The following TMEM132B variants were observed in gnomAD, a reference collection of about 807,000 sequenced individuals.
TMEM132B encodes the protein transmembrane protein 132B.
In TMEM132B, 18 loss-of-function variants were observed where a neutral mutation model predicts 90.8. The observed-to-expected ratio is 0.20, with a 90% CI of 0.14 to 0.29. The LOEUF (loss-of-function observed/expected upper bound fraction) is 0.29. Among genes scored for constraint, TMEM132B ranks in the 10% least tolerant of loss-of-function variants. TMEM132B has a pLI of 1.00. For synonymous variants in TMEM132B, 504 were observed against 523.3 expected, an observed-to-expected ratio of 0.96 and a Z score of 0.50; for missense variants, 1,096 against 1,326.8, an observed-to-expected ratio of 0.83 and a Z score of 2.70.
chr12:125,201,702 G>A (rs1389378115), intron 1 of TMEM132B, among the ~76,000 whole-genome samples: 1 of 152,204 alleles, frequency 6.6e-6, no homozygotes, highest in Non-Finnish European at 1.5e-5. Flanking sequence ...ATCTGTGAAT[G>A]GGGAGAAGAG....
In TMEM132B at chr12:125,415,417, G is replaced by C; in HGVS notation, c.960-114G>C. The C allele has an allele frequency of 6.2e-6, 8 of 1,294,552 alleles. No homozygotes were observed. Among genetic ancestry groups the C allele is most frequent in the Non-Finnish European group, 8.4e-6 (8 of 952,498 alleles). 80.2% of individuals were successfully genotyped at this position (1,294,552 alleles called of 1,614,324 possible). On this transcript the variant is annotated intron_variant, in intron 2 of 8. Transcript: ENST00000682704. The surrounding 1 kb of genome is among the most constrained non-coding windows in gnomAD (Gnocchi z 5.3). ...TCTCCCCCACATCTCCCAGAGGAAG[G>C]GGGCGATGTTACAGATGCTTTCCCA...
intron 1 of TMEM132B, among the ~76,000 whole-genome samples, chr12:125,328,564 C>T (rs1461264021): frequency 6.6e-6 from 1 of 152,172 alleles, no homozygotes; most frequent in Non-Finnish European, 1.5e-5. Context: ...TCCAGGCATT[C>T]CTTGGCTTGT....
At chr12:125,578,626 G>A (rs1884986242) in intron 4 of TMEM132B, among the ~76,000 whole-genome samples, 1 of 152,026 alleles carries the variant, frequency 6.6e-6, no homozygotes, top group Admixed American at 6.5e-5. Context: ...TGGAAGATGA[G>A]TCTGTTAGTG....
At chr12:125,190,820 A>G (rs1382637995) in intron 1 of TMEM132B, among the ~76,000 whole-genome samples, 2 of 7,856 alleles carry the variant, frequency 2.5e-4, no homozygotes, top group Admixed American at 3.2e-3. Flanking sequence ...AGGGGTGGTG[A>G]TGGTGATGGG....
chr12:125,409,621 A>AGT lies in TMEM132B; in HGVS notation c.960-5909_960-5908insTG, dbSNP rs1555246841. The stretch of plus-strand genomic sequence containing the variant: ...GGAGGAGTGGAGTGGAGTGGAGTGG[A>AGT]GGAGTGGAGTGGAGTGGAGGAGTGG... On this transcript the variant is annotated intron_variant, in intron 2 of 8. Transcript: ENST00000682704. 2.0e-3 allele frequency among the ~76,000 whole-genome samples: 99 copies of AGT among 48,632 alleles called. 2 individuals are homozygous for AGT. Among genetic ancestry groups the AGT allele is most frequent in the Non-Finnish European group, 3.0e-3 (78 of 26,402 alleles). 31.9% of individuals were successfully genotyped at this position (48,632 alleles called of 152,430 possible).
chr12:125,434,124 G>A (rs1249969923), intron 3 of TMEM132B, among the ~76,000 whole-genome samples: 2 of 152,214 alleles, frequency 1.3e-5, no homozygotes, highest in Non-Finnish European at 2.9e-5. Context: ...GGGAGGGTCT[G>A]TGTTTTCACC....
intron 3 of TMEM132B, among the ~76,000 whole-genome samples, chr12:125,428,329 T>A (rs35432734): frequency 0.13 from 19,260 of 152,148 alleles, 1,267 homozygotes; most frequent in African/African-American, 0.14. Context: ...TGTGTTGGTA[T>A]TTTTTAGAAA....
intron 3 of TMEM132B, among the ~76,000 whole-genome samples, chr12:125,465,719 A>G (rs753173572): frequency 6.6e-6 from 1 of 152,250 alleles, no homozygotes; most frequent in Non-Finnish European, 1.5e-5. Flanking sequence ...TTAATAGGCC[A>G]TCTGGTCAAT....
chr12:125,551,507 A>G (rs888300366), intron 4 of TMEM132B, among the ~76,000 whole-genome samples: 2 of 152,180 alleles, frequency 1.3e-5, no homozygotes, highest in Non-Finnish European at 2.9e-5. Context: ...GACAGTCATA[A>G]AGAAGAATGA....
At chr12:125,592,600 A>G (rs1395542836) in intron 5 of TMEM132B, among the ~76,000 whole-genome samples, 1 of 152,166 alleles carries the variant, frequency 6.6e-6, no homozygotes, top group Admixed American at 6.5e-5. Context: ...TCACTAGATA[A>G]AGCCTGATGG....
chr12:125,475,069 G>A (rs1881835882), intron 3 of TMEM132B, among the ~76,000 whole-genome samples: 1 of 152,160 alleles, frequency 6.6e-6, no homozygotes, highest in Non-Finnish European at 1.5e-5. Flanking sequence ...AGAATCAGGT[G>A]CTGTAACTAG....
At chr12:125,574,015 T>C (rs1175899154) in intron 4 of TMEM132B, among the ~76,000 whole-genome samples, 1 of 152,204 alleles carries the variant, frequency 6.6e-6, no homozygotes, top group Non-Finnish European at 1.5e-5. Context: ...ACCAAGTTCA[T>C]TGGGCCATTT....
intron 5 of TMEM132B, among the ~76,000 whole-genome samples, chr12:125,591,876 C>G (rs1010101500): frequency 5.3e-5 from 8 of 152,176 alleles, no homozygotes; most frequent in Non-Finnish European, 1.2e-4. Flanking sequence ...AGGATGGTCT[C>G]TTCTTGAGAT....
intron 1 of TMEM132B, among the ~76,000 whole-genome samples, chr12:125,348,164 T>A (rs1877423003): frequency 6.6e-6 from 1 of 152,212 alleles, no homozygotes; most frequent in African/African-American, 2.4e-5. Context: ...TTTTCAAGTA[T>A]GTTTATGTAG....
chr12:125,524,640 C>T (rs1373095040), intron 4 of TMEM132B, among the ~76,000 whole-genome samples: 1 of 152,220 alleles, frequency 6.6e-6, no homozygotes, highest in East Asian at 1.9e-4. Flanking sequence ...TGCATGCACT[C>T]AATAATGTTG....
At chr12:125,552,148 GATGAAC>G (rs1224165708) in intron 4 of TMEM132B, among the ~76,000 whole-genome samples, 1 of 152,176 alleles carries the variant, frequency 6.6e-6, no homozygotes, top group African/African-American at 2.4e-5. Context: ...TTTCTTCACA[GATGAAC>G]ATGAGGAAAA....
intron 3 of TMEM132B, among the ~76,000 whole-genome samples, chr12:125,491,276 ATTTT>A (rs1335268214): frequency 3.3e-5 from 5 of 151,382 alleles, no homozygotes; most frequent in Non-Finnish European, 7.4e-5. Context: ...TTACTTATTT[ATTTT>A]AATTATTTTT....
rs566795060 is a variant in TMEM132B, at chr12:125,611,136, T to C, written c.1437+27142T>C. 1.1e-4 allele frequency among the ~76,000 whole-genome samples: 17 copies of C among 152,262 alleles called. No homozygotes were observed. The East Asian group carries it at 2.9e-3, about 26-fold the overall frequency. ...AGTCAGTTTCACCAATTTTTATTTG[T>C]CTTTTTAGGGATTTGACCATTTCCT... On this transcript the variant is annotated intron_variant, in intron 5 of 8. Coordinates refer to ENST00000682704, the MANE Select transcript of TMEM132B (RefSeq NM_001366854.1).
intron 3 of TMEM132B, among the ~76,000 whole-genome samples, chr12:125,495,125 A>C: frequency 1.0e-5 from 1 of 95,354 alleles, no homozygotes; most frequent in South Asian, 4.6e-4. Flanking sequence ...TCCTCCCTGA[A>C]AATGGCCGTG....
Sources: allele counts gnomAD v4.1 joint callset (sites outside exome capture counted in the v4.1 genomes callset), GRCh38; gene constraint gnomAD v4.1.1; non-coding constraint Gnocchi (gnomAD v3.1); transcripts MANE v1.5; gene names NCBI Gene and HGNC (gene_info 2026-07-23, HGNC 2026-07-21).